Variants in KIF21A observed in about 807,000 individuals in gnomAD.
KIF21A encodes kinesin family member 21A.
In KIF21A, 114 loss-of-function variants were observed where a neutral mutation model predicts 202.9. The ratio of observed to expected loss-of-function variants is 0.56; its 90% CI spans 0.48 to 0.66. KIF21A has a LOEUF of 0.66. KIF21A is among the 30% of genes least tolerant of loss of function. KIF21A has a pLI of 0.00. For missense variants in KIF21A, 1,677 were observed against 1,994.9 expected (o/e 0.84, Z 3.04); for synonymous variants, 667 against 670.8 (o/e 0.99, Z 0.09).
chr12:39,376,430 T>C (rs1950276114), intron 1 of KIF21A, among the ~76,000 whole-genome samples: 1 of 152,020 alleles, frequency 6.6e-6, no homozygotes, highest in Non-Finnish European at 1.5e-5. Context: ...ATGTAACCAG[T>C]AAGGAAATTT....
intron 28 of KIF21A, 59 bp downstream of exon 28, chr12:39,319,847 C>T (rs1945010592): frequency 2.1e-6 from 2 of 962,342 alleles, no homozygotes; most frequent in Admixed American, 1.9e-5. Flanking sequence ...TTATCTTTAG[C>T]ATCTAAGTGC....
In KIF21A at chr12:39,333,478, C is replaced by A. The variant is rs181646907; in HGVS notation, c.2419-198G>T. On this transcript the variant is annotated intron_variant, in intron 17 of 37. Coordinates refer to ENST00000361418, the MANE Select transcript of KIF21A (RefSeq NM_001173464.2). ...ACAAATAAATACAGATATACCCCAT[C>A]CCTTTTTGAAAAAATGAAAGGTTAT... Among the ~76,000 whole-genome samples the A allele has an allele frequency of 2.0e-5, 3 of 152,138 alleles. No individual in the cohort carries two copies. In the East Asian group the frequency reaches 5.8e-4, roughly 29 times the overall value.
In KIF21A at chr12:39,293,905, T is replaced by C. The variant is rs946853797; in HGVS notation, c.*519A>G. 1 of 156,714 alleles carries C rather than the reference T, an allele frequency of 6.4e-6. No homozygotes were observed. Among genetic ancestry groups the C allele is most frequent in the Admixed American group, 6.3e-5 (1 of 15,958 alleles). The allele number at this position is 156,714 out of a possible 1,614,324, so 9.7% of individuals were successfully genotyped here. On this transcript the variant is annotated 3_prime_UTR_variant, in exon 38 of 38. Transcript: ENST00000361418. ...TGAAAATTCATCAATAATATTCTCA[T>C]ATCTTATTTTTGTCCATTACATTAA...
intron 1 of KIF21A, among the ~76,000 whole-genome samples, chr12:39,374,982 T>C (rs1244650572): frequency 1.3e-5 from 2 of 152,132 alleles, no homozygotes; most frequent in African/African-American, 2.4e-5. Flanking sequence ...GTATAACAAA[T>C]GATACTGTGG....
At chr12:39,313,578 G>A (rs1489438548) in intron 31 of KIF21A, among the ~76,000 whole-genome samples, 1 of 151,782 alleles carries the variant, frequency 6.6e-6, no homozygotes, top group Non-Finnish European at 1.5e-5. Context: ...ACGAGTCAAG[G>A]TCACTGCTGA....
At chr12:39,318,029 GA>G in intron 29 of KIF21A, 43 bp downstream of exon 29, 1 of 1,587,712 alleles carries the variant, frequency 6.3e-7, no homozygotes, top group Non-Finnish European at 8.6e-7. Context: ...GACAGGTTCA[GA>G]ATATTATATA....
chr12:39,436,422 TTATA>T (rs1199818833), intron 1 of KIF21A, among the ~76,000 whole-genome samples: 43 of 99,110 alleles, frequency 4.3e-4, no homozygotes, highest in South Asian at 1.4e-3. Flanking sequence ...GTTTACTATA[TTATA>T]TATATATATA....
intron 20 of KIF21A, 64 bp from the exon 21 acceptor site, chr12:39,332,472 A>AGGGGC: frequency 7.5e-7 from 1 of 1,338,136 alleles, no homozygotes; most frequent in Non-Finnish European, 1.1e-6. Flanking sequence ...AGTACCATCA[A>AGGGGC]ACCCCCCCAC....
In KIF21A at chr12:39,357,413, C is replaced by G. The variant is rs78616703; in HGVS notation, c.1240G>C (p.Gly414Arg). ...AACATGTCATTGATGCTTTCCACACCCTCTTCGTCAATTATTCTTTTACCC... is the reference window on the plus strand; with the variant it reads ...AACATGTCATTGATGCTTTCCACACGCTCTTCGTCAATTATTCTTTTACCC... ...KTGKRIIDEE[G>R]VESINDMFHE... The change falls in exon 9 of 38, where the codon GGT becomes CGT. Residue 414 changes from glycine to arginine, a missense_variant. Gly to Arg is a moderately radical substitution (Grantham distance 125). This residue lies in a region of KIF21A where 966 missense variants were observed against 1,180.9 expected (regional missense o/e 0.82). Transcript: ENST00000361418. The G allele has an allele frequency of 3.4e-3, 5,412 of 1,613,864 alleles. 18 individuals are homozygous for G. The highest frequency in any genetic ancestry group is 4.4e-3 in the Non-Finnish European group (5,153 of 1,179,830).
At chr12:39,392,887 G>A in intron 1 of KIF21A, among the ~76,000 whole-genome samples, 1 of 138,614 alleles carries the variant, frequency 7.2e-6, no homozygotes, top group Non-Finnish European at 1.6e-5. Flanking sequence ...AAAAGAAAAA[G>A]ACAATAAAAT....
At chr12:39,430,484 T>G (rs1039147615) in intron 1 of KIF21A, among the ~76,000 whole-genome samples, 2 of 151,550 alleles carry the variant, frequency 1.3e-5, no homozygotes, top group Non-Finnish European at 2.9e-5. Flanking sequence ...GAGAATCACT[T>G]GGACCTGGGA....
intron 26 of KIF21A, among the ~76,000 whole-genome samples, chr12:39,323,360 AT>A (rs1318895158): frequency 6.6e-6 from 1 of 151,756 alleles, no homozygotes; most frequent in Admixed American, 6.6e-5. Context: ...GAAGAAAGAC[AT>A]TAAACCAAAA....
chr12:39,303,966 A>G (rs1044786414), intron 35 of KIF21A, among the ~76,000 whole-genome samples: 3 of 152,160 alleles, frequency 2.0e-5, no homozygotes, highest in African/African-American at 7.2e-5. Flanking sequence ...CAGAGGCTAA[A>G]GTATACTTAC....
chr12:39,386,864 T>A (rs1950979354), intron 1 of KIF21A, among the ~76,000 whole-genome samples: 1 of 152,102 alleles, frequency 6.6e-6, no homozygotes, highest in African/African-American at 2.4e-5. Context: ...AGCAAGAGGT[T>A]CAGAAGACAC....
intron 1 of KIF21A, among the ~76,000 whole-genome samples, chr12:39,411,661 G>A (rs556075248): frequency 2.9e-3 from 436 of 151,880 alleles, no homozygotes; most frequent in Middle Eastern, 0.01. Context: ...CAAGAGGCTG[G>A]GACTACAGGC....
Position 39,294,121 on chromosome 12 carries a change from G to A in KIF21A, c.*303C>T. The A allele has an allele frequency of 3.5e-6, 1 of 284,982 alleles. No individual in the cohort carries two copies. The highest frequency in any genetic ancestry group is 6.7e-6 in the Non-Finnish European group (1 of 149,534). 17.7% of individuals were successfully genotyped at this position (284,982 alleles called of 1,614,324 possible). A position where few individuals can be genotyped will look rare whatever the true frequency, so the allele number is the denominator to read the frequency against. On this transcript the variant is annotated 3_prime_UTR_variant, in exon 38 of 38. Coordinates refer to ENST00000361418, the MANE Select transcript of KIF21A (RefSeq NM_001173464.2). ...TGACTGTCACAAAAGCAGACGTCTTGGTAATTCAAATAATTTGAAAGTGTG... is the reference window on the plus strand; with the variant it reads ...TGACTGTCACAAAAGCAGACGTCTTAGTAATTCAAATAATTTGAAAGTGTG...
At position 39,350,794 on chromosome 12, in the gene KIF21A, A is replaced by G. The variant is rs1386767918; in HGVS notation, c.1673+983T>C. Among the ~76,000 whole-genome samples the G allele has an allele frequency of 2.6e-5, 4 of 152,030 alleles. No individual in the cohort carries two copies. The East Asian group carries it at 7.7e-4, about 29-fold the overall frequency. ...CAGGAACACAAAGCAGAATTGGAAG[A>G]ATTTAAACTTCCAATGACTTTGATC... is the stretch of plus-strand genomic sequence containing the variant. On this transcript the variant is annotated intron_variant, in intron 11 of 37. Coordinates refer to ENST00000361418, the MANE Select transcript of KIF21A (RefSeq NM_001173464.2).
At chr12:39,342,250 T>A (rs1947504765) in intron 12 of KIF21A, 126 bp from the exon 13 acceptor site, 1 of 710,260 alleles carries the variant, frequency 1.4e-6, no homozygotes. Context: ...GTCACTTAAC[T>A]GAGCAAAGCT....
Position 39,394,707 on chromosome 12 carries a change from A to C in KIF21A, c.45-24446T>G, listed in dbSNP as rs539717137. On this transcript the variant is annotated intron_variant, in intron 1 of 37. Transcript: ENST00000361418. ...CAGATCTACCACTTTTTGTCAGGTG[A>C]TTATGTAATATTGGCATGGCAATTT... 2.0e-5 allele frequency among the ~76,000 whole-genome samples: 3 copies of C among 152,294 alleles called. No individual in the cohort carries two copies. In the South Asian group the frequency reaches 6.2e-4, roughly 32 times the overall value.
Sources: gnomAD v4.1 joint callset for allele counts (sites outside exome capture counted in the v4.1 genomes callset) on GRCh38, gnomAD v4.1.1 for gene constraint, gnomAD v4.1.1 regional missense constraint, MANE v1.5 for transcripts, NCBI Gene and HGNC (gene_info 2026-07-23, HGNC 2026-07-21) for gene names.